The following CADPS2 variants were observed in gnomAD, a reference collection of about 807,000 sequenced individuals.
CADPS2 encodes the protein calcium-dependent secretion activator 2.
Under a neutral mutation model 172.5 loss-of-function variants are expected in CADPS2, and 93 were observed. That is an observed-to-expected ratio of 0.54 (90% CI 0.46 to 0.64). The LOEUF is 0.64. CADPS2 is among the 30% of genes least tolerant of loss of function. CADPS2 has a pLI of 0.00. For synonymous variants in CADPS2, 546 were observed against 555.2 expected (o/e 0.98, Z 0.23); for missense variants, 1,420 against 1,565.9 (o/e 0.91, Z 1.57).
intron 6 of CADPS2, among the ~76,000 whole-genome samples, chr7:122,599,183 T>C (rs753522681): frequency 1.3e-5 from 2 of 152,088 alleles, no homozygotes; most frequent in African/African-American, 2.4e-5. Context: ...TAACTCCAGA[T>C]GCAGGGGATA....
intron 1 of CADPS2, among the ~76,000 whole-genome samples, chr7:122,752,264 A>G (rs1389039412): frequency 2.6e-5 from 4 of 152,212 alleles, no homozygotes; most frequent in Non-Finnish European, 4.4e-5. Flanking sequence ...TGTTTACTCT[A>G]TAAAGATATC....
In CADPS2 at chr7:122,478,705, T is replaced by G. The variant is rs542212205; in HGVS notation, c.1861+2147A>C. ...ACTTGAAAATAGGTGGCATAGAAAA[T>G]GATGTGAGGACTATCAGTGAGGGGC... On this transcript the variant is annotated intron_variant, in intron 12 of 29. Coordinates refer to ENST00000449022, the MANE Select transcript of CADPS2 (RefSeq NM_017954.11). Among the ~76,000 whole-genome samples, 25 of 152,156 alleles carry G rather than the reference T, an allele frequency of 1.6e-4. No homozygotes were observed. In the South Asian group the frequency reaches 5.0e-3, roughly 30 times the overall value.
intron 3 of CADPS2, among the ~76,000 whole-genome samples, chr7:122,633,503 T>C (rs1278916544): frequency 6.6e-6 from 1 of 152,162 alleles, no homozygotes; most frequent in Non-Finnish European, 1.5e-5. Context: ...AGCTAGAATT[T>C]TACTGATGTA....
chr7:122,703,959 G>C (rs539200276), intron 2 of CADPS2, among the ~76,000 whole-genome samples: 5 of 152,124 alleles, frequency 3.3e-5, no homozygotes, highest in African/African-American at 1.2e-4. Context: ...TTATTGTTTA[G>C]TTTTATCTTA....
At chr7:122,583,701 T>C (rs2132950768) in intron 6 of CADPS2, among the ~76,000 whole-genome samples, 1 of 151,266 alleles carries the variant, frequency 6.6e-6, no homozygotes, top group South Asian at 2.1e-4. Context: ...ACATATGTCC[T>C]TCATATCATA....
In CADPS2 at chr7:122,630,234, A is replaced by G. The variant is rs1166044817; in HGVS notation, c.787-906T>C. Among the ~76,000 whole-genome samples, 4 of 152,162 alleles carry G rather than the reference A, an allele frequency of 2.6e-5. No homozygotes were observed. The East Asian group carries it at 7.7e-4, about 29-fold the overall frequency. On this transcript the variant is annotated intron_variant, in intron 3 of 29. Coordinates refer to ENST00000449022, the MANE Select transcript of CADPS2 (RefSeq NM_017954.11). ...TAACATTAAACACCAATGAGAAAAC[A>G]GTTTACTTGTCACTTTCCCAAAGAA...
At chr7:122,848,792 G>C (rs566050149) in intron 1 of CADPS2, among the ~76,000 whole-genome samples, 1 of 152,256 alleles carries the variant, frequency 6.6e-6, no homozygotes, top group East Asian at 1.9e-4. Context: ...AGACACCTAA[G>C]TAACCGGCAG....
intron 3 of CADPS2, among the ~76,000 whole-genome samples, chr7:122,630,297 CAAAG>C (rs2076454363): frequency 1.3e-5 from 2 of 150,782 alleles, no homozygotes; most frequent in African/African-American, 4.9e-5. Context: ...AAAACATCCT[CAAAG>C]AGAGTCCTCA....
In CADPS2 at chr7:122,436,448, A is replaced by G. The variant is rs2050655337; in HGVS notation, c.2476+1893T>C. ...ACCCTTGTCGTTCATATAATGTAAA[A>G]GGCCACTTTCTAACTTAAGTTTGAT... On this transcript the variant is annotated intron_variant, in intron 17 of 29. Transcript: ENST00000449022. The G allele has an allele frequency of 1.4e-5, 12 of 858,902 alleles. No homozygotes were observed. In the South Asian group the frequency reaches 1.8e-4, roughly 13 times the overall value. 53.2% of individuals were successfully genotyped at this position (858,902 alleles called of 1,614,324 possible).
intron 2 of CADPS2, among the ~76,000 whole-genome samples, chr7:122,697,111 T>C (rs1038481825): frequency 2.6e-5 from 4 of 152,146 alleles, no homozygotes; most frequent in African/African-American, 9.7e-5. Context: ...TATGTAACAA[T>C]TATTGTAAGT....
chr7:122,450,803 G>C (rs2052990591), intron 15 of CADPS2, among the ~76,000 whole-genome samples: 1 of 152,014 alleles, frequency 6.6e-6, no homozygotes, highest in African/African-American at 2.4e-5. Context: ...CCAAAGTGTT[G>C]GGATTACAGG....
Position 122,360,785 on chromosome 7 carries a change from T to C in CADPS2, c.3504+3A>G. ...TTTTAAAAAGCAGATAAAAAATACTTACTGGAACATCAACATATTTTGCAG... is the reference window on the plus strand; with the variant it reads ...TTTTAAAAAGCAGATAAAAAATACTCACTGGAACATCAACATATTTTGCAG... On this transcript the variant is annotated splice_donor_region_variant and intron_variant, in intron 27 of 29. Transcript: ENST00000449022. 2 of 1,552,694 alleles carry C rather than the reference T, an allele frequency of 1.3e-6. No individual in the cohort carries two copies. The highest frequency in any genetic ancestry group is 1.7e-6 in the Non-Finnish European group (2 of 1,149,242).
At chr7:122,383,096 G>A (rs1293262988) in intron 24 of CADPS2, among the ~76,000 whole-genome samples, 1 of 152,016 alleles carries the variant, frequency 6.6e-6, no homozygotes, top group Non-Finnish European at 1.5e-5. Context: ...GTCCATCAAT[G>A]GTAGACCAGA....
At chr7:122,881,809 T>C (rs1823002719) in intron 1 of CADPS2, among the ~76,000 whole-genome samples, 1 of 152,182 alleles carries the variant, frequency 6.6e-6, no homozygotes, top group Non-Finnish European at 1.5e-5. Context: ...TGGCTTTCTT[T>C]AGGGGAATAA....
intron 2 of CADPS2, among the ~76,000 whole-genome samples, chr7:122,724,742 T>C (rs1207413169): frequency 1.3e-5 from 2 of 151,922 alleles, no homozygotes; most frequent in African/African-American, 4.8e-5. Context: ...TTTCACCTTT[T>C]TTTTTCCCAT....
At chr7:122,805,692 G>A (rs1002920539) in intron 1 of CADPS2, among the ~76,000 whole-genome samples, 7 of 152,182 alleles carry the variant, frequency 4.6e-5, no homozygotes, top group Non-Finnish European at 1.0e-4. Context: ...CCACAGCAGA[G>A]GGTCTCTGAA....
At chr7:122,538,049 C>T (rs928213318) in intron 8 of CADPS2, among the ~76,000 whole-genome samples, 2 of 151,430 alleles carry the variant, frequency 1.3e-5, no homozygotes, top group East Asian at 1.9e-4. Context: ...AAAATACCTC[C>T]CCTTACCTCC....
intron 2 of CADPS2, among the ~76,000 whole-genome samples, chr7:122,706,653 TAAC>T (rs1369449823): frequency 6.8e-6 from 1 of 147,202 alleles, no homozygotes; most frequent in Admixed American, 6.9e-5. Flanking sequence ...TACATGCTCT[TAAC>T]AAGAGATAGG....
intron 2 of CADPS2, among the ~76,000 whole-genome samples, chr7:122,705,733 T>C (rs1341156739): frequency 1.3e-4 from 1 of 7,756 alleles, no homozygotes; most frequent in Non-Finnish European, 3.0e-4. Flanking sequence ...TATCATATAT[T>C]ATATAATATA....
Sources: gnomAD v4.1 joint callset for allele counts (sites outside exome capture counted in the v4.1 genomes callset) on GRCh38, gnomAD v4.1.1 for gene constraint, MANE v1.5 for transcripts, NCBI Gene and HGNC (gene_info 2026-07-23, HGNC 2026-07-21) for gene names.